Variants in KIF1C observed in about 807,000 individuals in gnomAD.
The protein encoded by KIF1C is kinesin-like protein KIF1C.
KIF1C carries 61 observed loss-of-function variants against 126.5 expected under a neutral mutation model. The observed-to-expected ratio is 0.48, with a 90% CI of 0.39 to 0.60. The LOEUF (loss-of-function observed/expected upper bound fraction) is 0.60. Among genes scored for constraint, KIF1C ranks in the 20% least tolerant of loss-of-function variants. KIF1C has a pLI of 0.00. For missense variants in KIF1C, 1,315 were observed against 1,489.2 expected, an observed-to-expected ratio of 0.88 and a Z score of 1.93; for synonymous variants, 640 against 580.6, an observed-to-expected ratio of 1.10 and a Z score of -1.47.
chr17:5,007,147 AGT>A, intron 14 of KIF1C, 63 bp downstream of exon 14: 1 of 1,576,458 alleles, frequency 6.3e-7, no homozygotes, highest in Non-Finnish European at 8.6e-7. Context: ...ACTTCTCCAA[AGT>A]CAAGCTTGAG....
intron 18 of KIF1C, among the ~76,000 whole-genome samples, chr17:5,017,711 C>G (rs1975004104): frequency 6.6e-6 from 1 of 151,932 alleles, no homozygotes; most frequent in African/African-American, 2.4e-5. Flanking sequence ...TACTGACCAT[C>G]TACTCTGTGC....
intron 17 of KIF1C, 88 bp downstream of exon 17, chr17:5,013,820 G>C (rs1974916823): frequency 1.1e-6 from 1 of 944,936 alleles, no homozygotes; most frequent in East Asian, 2.5e-5. Flanking sequence ...TCCCTTCCCT[G>C]GTGGTCCCTG....
In KIF1C at chr17:5,007,237, G is replaced by A. The variant is rs76050410; in HGVS notation, c.1336-26G>A. The stretch of plus-strand genomic sequence containing the variant: ...GGGTCTGCTTGTCCCAGACCATCCT[G>A]AAACCTACCCACCTTACGCCCCCAG... On this transcript the variant is annotated intron_variant, in intron 14 of 22. Transcript: ENST00000320785. 2,223 of 1,597,414 alleles carry A rather than the reference G, an allele frequency of 1.4e-3. 23 individuals carry two copies. In the African/African-American group the frequency reaches 0.023, roughly 17 times the overall value.
intron 16 of KIF1C, among the ~76,000 whole-genome samples, chr17:5,013,436 C>T (rs1974908210): frequency 6.6e-6 from 1 of 152,004 alleles, no homozygotes; most frequent in African/African-American, 2.4e-5. Flanking sequence ...TCAGGCTGTC[C>T]TGAAGGCGGT....
Position 5,003,673 on chromosome 17 carries a change from G to T in KIF1C, c.782G>T (p.Arg261Leu). The T allele has an allele frequency of 6.2e-7, 1 of 1,613,498 alleles. No homozygotes were observed. The highest frequency in any genetic ancestry group is 8.5e-7 in the Non-Finnish European group (1 of 1,179,702). Residue 261 changes from arginine (R) to leucine (L), a missense_variant, in exon 9 of 23, where the codon CGG becomes CTG. This residue lies in a region of KIF1C where 874 missense variants were observed against 1,053.2 expected (regional missense o/e 0.83). Coordinates refer to ENST00000320785, the MANE Select transcript of KIF1C (RefSeq NM_006612.6). ...GSERADSSGA[R>L]GMRLKEGANI... is the part of the protein sequence containing the mutation. ...GAGCGAGCCGACTCCTCAGGGGCCC[G>T]GGGCATGCGCCTGAAGGTGAGGGGC...
At chr17:5,018,357 CTTCTT>C (rs1597860176) in intron 18 of KIF1C, among the ~76,000 whole-genome samples, 1 of 151,212 alleles carries the variant, frequency 6.6e-6, no homozygotes, top group East Asian at 1.9e-4. Context: ...TTCCCCCCCT[CTTCTT>C]TTAGTTTTAA....
rs762990681 is a variant in KIF1C at position 5,023,902 on chromosome 17, G to A, written c.3063G>A (p.Pro1021=). Residue 1021 remains proline (P), a synonymous_variant, in exon 23 of 23, where the codon CCG becomes CCA. Coordinates refer to ENST00000320785, the MANE Select transcript of KIF1C (RefSeq NM_006612.6). This position sits in a 1 kb window ranked among gnomAD's most constrained non-coding sequence, Gnocchi z 4.2. ...PHPATPARRP[P]SPRRSHHPRR... ...CAGCCACCCCTGCCCGCCGGCCTCCGAGTCCCCGAAGGTCCCACCATCCCC... is the reference window on the plus strand; with the variant it reads ...CAGCCACCCCTGCCCGCCGGCCTCCAAGTCCCCGAAGGTCCCACCATCCCC... 7.7e-6 allele frequency: 12 copies of A among 1,551,440 alleles called. No individual in the cohort carries two copies. Among genetic ancestry groups the A allele is most frequent in the East Asian group, 2.3e-5 (1 of 44,098 alleles).
At position 5,002,469 on chromosome 17, in the gene KIF1C, C is replaced by T. The variant is rs1055603292; in HGVS notation, c.435C>T (p.Ser145=). ...CATTTGCTTCTCCCACTCAGGTGAG[C>T]TATATGGAGATCTACTGTGAGCGGG... The part of the protein sequence containing the change: ...SAQLSYSVEV[S]YMEIYCERVR... Residue 145 remains serine, a synonymous_variant, in exon 7 of 23, where the codon AGC becomes AGT. Transcript: ENST00000320785. 2.5e-6 allele frequency: 4 copies of T among 1,590,452 alleles called. No homozygotes were observed. The African/African-American group carries it at 5.4e-5, about 21-fold the overall frequency.
chr17:5,004,505 C>G lies in KIF1C; in HGVS notation c.941-62C>G, dbSNP rs115465777. 643 of 1,495,828 alleles carry G rather than the reference C, an allele frequency of 4.3e-4. 2 individuals carry two copies. In the African/African-American group the frequency reaches 7.8e-3, roughly 18 times the overall value. The allele number at this position is 1,495,828 out of a possible 1,614,324, so 92.7% of individuals were successfully genotyped here. On this transcript the variant is annotated intron_variant, in intron 11 of 22. Transcript: ENST00000320785. ...TGGGCAGTGGGCCCCAGCCCTGTGA[C>G]CCGGTCTGACTTTGCTTAGCCCCTC... is the stretch of plus-strand genomic sequence containing the variant.
At chr17:4,998,795 A>G (rs1164589579) in intron 1 of KIF1C, among the ~76,000 whole-genome samples, 1 of 152,048 alleles carries the variant, frequency 6.6e-6, no homozygotes, top group Non-Finnish European at 1.5e-5. Flanking sequence ...CACTGGGGCC[A>G]CAGGAGGGGG....
rs761602629 is a variant in KIF1C at position 5,023,531 on chromosome 17, G to T, written c.2692G>T (p.Ala898Ser). Residue 898 changes from alanine (A) to serine (S), a missense_variant, in exon 23 of 23, where the codon GCA becomes TCA. Transcript: ENST00000320785. The surrounding 1 kb of genome is among the most constrained non-coding windows in gnomAD (Gnocchi z 4.2). ...CTGGGCCCCGCCTGAAGGATCAGAG[G>T]CAGCAGAGGAGGCAGCCCCCAGTGA... ...VPWAPPEGSEAAEEAAPSDRM... is the reference protein window; with the variant it reads ...VPWAPPEGSESAEEAAPSDRM... 6.2e-7 allele frequency: 1 copy of T among 1,613,816 alleles called. No individual in the cohort carries two copies. The highest frequency in any genetic ancestry group is 1.1e-5 in the South Asian group (1 of 91,072).
In KIF1C at chr17:5,022,546, A is replaced by T; in HGVS notation, c.2465A>T (p.Glu822Val). 1 of 1,589,374 alleles carries T rather than the reference A, an allele frequency of 6.3e-7. No homozygotes were observed. Among genetic ancestry groups the T allele is most frequent in the Non-Finnish European group, 8.6e-7 (1 of 1,167,250 alleles). The change falls in exon 22 of 23, where the codon GAG becomes GTG. Residue 822 changes from glutamate (E) to valine (V), a missense_variant. Glu to Val is a moderately radical substitution (Grantham distance 121). Transcript: ENST00000320785. The surrounding 1 kb of genome is among the most constrained non-coding windows in gnomAD (Gnocchi z 4.9). ...GGAGCTGGCAGTGGTGGTGGCAGTG[A>T]GGAGGGAGCCCGAGGGGCGGAGGTG... ...GGGAGSGGGSEEGARGAEVED... is the reference protein window; with the variant it reads ...GGGAGSGGGSVEGARGAEVED...
At position 5,014,849 on chromosome 17, in the gene KIF1C, G is replaced by C. The variant is rs190329136; in HGVS notation, c.1666+12G>C. ...GCCAGATGGAGAAGGTAATGGCTGAGGGGGTGAGAGAGGCCAGACAGGGAG... is the reference window on the plus strand; with the variant it reads ...GCCAGATGGAGAAGGTAATGGCTGACGGGGTGAGAGAGGCCAGACAGGGAG... On this transcript the variant is annotated intron_variant, in intron 18 of 22. Transcript: ENST00000320785. The C allele has an allele frequency of 5.2e-3, 8,219 of 1,569,380 alleles. 29 individuals carry two copies. The highest frequency in any genetic ancestry group is 6.1e-3 in the Non-Finnish European group (7,081 of 1,155,316).
intron 11 of KIF1C, 113 bp downstream of exon 11, chr17:5,004,186 T>TC: frequency 1.2e-6 from 1 of 834,780 alleles, no homozygotes; most frequent in Non-Finnish European, 2.1e-6. Context: ...TTGTCTTACT[T>TC]CTCCCCCTGA....
rs542983292 is a variant in KIF1C, at chr17:5,026,299, A to G, written c.*2148A>G. ...CTCAATGTGAGCAAGAAAATGATAG[A>G]ATACCAAGTTTTCTGGAGGTCAGAG... On this transcript the variant is annotated 3_prime_UTR_variant, in exon 23 of 23. Transcript: ENST00000320785. 1 of 152,312 alleles carries G rather than the reference A, an allele frequency of 6.6e-6. No individual in the cohort carries two copies. The highest frequency in any genetic ancestry group is 1.9e-4 in the East Asian group (1 of 5,182). The allele number at this position is 152,312 out of a possible 1,614,324, so 9.4% of individuals were successfully genotyped here.
In KIF1C at chr17:5,020,488, C is replaced by G. The variant is rs1334103319; in HGVS notation, c.1751-4C>G. On this transcript the variant is annotated splice_polypyrimidine_tract_variant and splice_region_variant and intron_variant, in intron 19 of 22. Coordinates refer to ENST00000320785, the MANE Select transcript of KIF1C (RefSeq NM_006612.6). The surrounding 1 kb of genome is among the most constrained non-coding windows in gnomAD (Gnocchi z 5.8). Reference sequence around the variant, plus strand: ...AGTTTACTTTTCCCTCCTCCCATCTCTAGGGAATAGGATTGTGATGGGCAA... The same window carrying G: ...AGTTTACTTTTCCCTCCTCCCATCTGTAGGGAATAGGATTGTGATGGGCAA... 1.9e-6 allele frequency: 3 copies of G among 1,606,482 alleles called. No individual in the cohort carries two copies. Among genetic ancestry groups the G allele is most frequent in the Non-Finnish European group, 8.5e-7 (1 of 1,175,184 alleles).
intron 4 of KIF1C, 133 bp from the exon 5 acceptor site, chr17:5,001,089 A>G: frequency 9.9e-7 from 1 of 1,014,248 alleles, no homozygotes; most frequent in South Asian, 1.5e-5. Context: ...GGTAAGGACA[A>G]TGATGAGGGT....
chr17:4,999,627 C>T (rs1974521797), intron 1 of KIF1C, among the ~76,000 whole-genome samples: 1 of 152,170 alleles, frequency 6.6e-6, no homozygotes, highest in Non-Finnish European at 1.5e-5. Context: ...GCCTCTTTCT[C>T]TCTCTGTCCT....
At chr17:5,003,792 G>C (rs116288647) in intron 9 of KIF1C, 59 bp from the exon 10 acceptor site, 1 of 1,571,014 alleles carries the variant, frequency 6.4e-7, no homozygotes, top group Non-Finnish European at 8.8e-7. Flanking sequence ...GGTAGGAAGC[G>C]GAAGTGGATC....
Sources: gnomAD v4.1 joint callset for allele counts (sites outside exome capture counted in the v4.1 genomes callset) on GRCh38, gnomAD v4.1.1 for gene constraint, gnomAD v4.1.1 regional missense constraint, Gnocchi (gnomAD v3.1) non-coding constraint, MANE v1.5 for transcripts, NCBI Gene and HGNC (gene_info 2026-07-23, HGNC 2026-07-21) for gene names.